Variants in ERI2 observed in about 807,000 individuals in gnomAD.
ERI2 encodes ERI1 exoribonuclease family member 2, also known as ERI1 exoribonuclease 2.
ERI2 carries 35 observed loss-of-function variants against 46.8 expected under a neutral mutation model. The ratio of observed to expected loss-of-function variants is 0.75; its 90% CI spans 0.57 to 0.99. The LOEUF is 0.99. Among genes scored for constraint, ERI2 ranks in the 50% least tolerant of loss-of-function variants. The pLI is 0.00. For synonymous variants in ERI2, 224 were observed against 271.0 expected (o/e 0.83, Z 1.70); for missense variants, 695 against 796.2 (o/e 0.87, Z 1.53).
At chr16:20,805,308 C>A (rs1226779534) in intron 1 of ERI2, among the ~76,000 whole-genome samples, 1 of 151,870 alleles carries the variant, frequency 6.6e-6, no homozygotes, top group African/African-American at 2.4e-5. Context: ...GCCTGTAATC[C>A]CAGCTACTTG....
chr16:20,792,171 A>G, downstream of ERI2: 1 of 1,613,988 alleles, frequency 6.2e-7, no homozygotes, highest in Non-Finnish European at 8.5e-7. Flanking sequence ...GTGTTAACTG[A>G]TCATCAGTGT....
downstream of ERI2, among the ~76,000 whole-genome samples, chr16:20,794,031 G>C (rs2080664849): frequency 6.6e-6 from 1 of 152,186 alleles, no homozygotes; most frequent in African/African-American, 2.4e-5. Flanking sequence ...AGTGTGGCCA[G>C]TTTTCCAACA....
intron 1 of ERI2, chr16:20,805,911 C>G (rs1040032719): frequency 3.1e-6 from 3 of 964,354 alleles, no homozygotes; most frequent in Non-Finnish European, 3.7e-6. Flanking sequence ...GTTCAGTGTA[C>G]TCTCCTGGCA....
In ERI2 at chr16:20,796,384, T is replaced by G; in HGVS notation, c.*1340A>C. 1 of 1,611,202 alleles carries G rather than the reference T, an allele frequency of 6.2e-7. No homozygotes were observed. ...ATTTATTTTAGGTAGTAAAGGCTTTTGTCGTTCTAAATCCTGATTACAAGT... is the reference window on the plus strand; with the variant it reads ...ATTTATTTTAGGTAGTAAAGGCTTTGGTCGTTCTAAATCCTGATTACAAGT... On this transcript the variant is annotated 3_prime_UTR_variant, in exon 9 of 9. Transcript: ENST00000357967.
chr16:20,796,582 T>G lies in ERI2; in HGVS notation c.*1142A>C. 2 of 1,575,722 alleles carry G rather than the reference T, an allele frequency of 1.3e-6. No individual in the cohort carries two copies. The highest frequency in any genetic ancestry group is 2.3e-5 in the South Asian group (2 of 85,394). ...TTTTAATGAATATTTTCTTCACACA[T>G]GCTGCACCACATGTCCCAAACTGAA... On this transcript the variant is annotated 3_prime_UTR_variant, in exon 9 of 9. Transcript: ENST00000357967.
Position 20,802,792 on chromosome 16 carries a change from A to AT in ERI2, c.303+3dup. Reference sequence around the variant, plus strand: ...ACTTCTGAATTTTAAGATTTGCATCATACCTGCTTTATGCCTGTCAATTCC... The same window carrying AT: ...ACTTCTGAATTTTAAGATTTGCATCATTACCTGCTTTATGCCTGTCAATTCC... On this transcript the variant is annotated splice_donor_region_variant and intron_variant, in intron 4 of 8. Transcript: ENST00000357967. 6.3e-7 allele frequency: 1 copy of AT among 1,588,258 alleles called. No homozygotes were observed. The highest frequency in any genetic ancestry group is 1.8e-5 in the Admixed American group (1 of 54,660).
chr16:20,789,637 T>G, intron 9 of ERI2: 1 of 977,650 alleles, frequency 1.0e-6, no homozygotes, highest in Non-Finnish European at 1.6e-6. Context: ...TGCTAAATGA[T>G]AAAAGCAGGT....
downstream of ERI2, among the ~76,000 whole-genome samples, chr16:20,793,337 C>T (rs1438898364): frequency 6.6e-6 from 1 of 152,072 alleles, no homozygotes; most frequent in Non-Finnish European, 1.5e-5. Flanking sequence ...GGCATGGTGG[C>T]ACACGCCTGT....
In ERI2 at chr16:20,800,336, A is replaced by T; in HGVS notation, c.527T>A (p.Leu176Ter). The change falls in exon 6 of 9, where the codon TTA (leucine) becomes TAA (stop). Residue 176 changes from leucine to a stop codon, truncating the protein, a stop_gained. Transcript: ENST00000357967. LOFTEE classifies it high-confidence loss of function. ...KRKQLLKPVF[L>*]NSWIDLRATY... is the part of the protein sequence containing the mutation. Reference sequence around the variant, plus strand: ...TGCTCTGAGATCAATCCAAGAATTTAAAAACACAGGTTTTAACAGCTGCTT... The same window carrying T: ...TGCTCTGAGATCAATCCAAGAATTTTAAAACACAGGTTTTAACAGCTGCTT... 6.2e-7 allele frequency: 1 copy of T among 1,610,290 alleles called. No individual in the cohort carries two copies. The highest frequency in any genetic ancestry group is 1.1e-5 in the South Asian group (1 of 90,378).
rs2080731162 is a variant in ERI2 at position 20,796,744 on chromosome 16, C to G, written c.*980G>C. 2.7e-6 allele frequency: 4 copies of G among 1,505,118 alleles called. No individual in the cohort carries two copies. The South Asian group carries it at 5.3e-5, about 20-fold the overall frequency. 93.2% of individuals were successfully genotyped at this position (1,505,118 alleles called of 1,614,324 possible). Reference sequence around the variant, plus strand: ...CAACTTTCCTAACAATACCCTTTTCCCTATTTTGGCTGTTACCCAAAACCC... The same window carrying G: ...CAACTTTCCTAACAATACCCTTTTCGCTATTTTGGCTGTTACCCAAAACCC... On this transcript the variant is annotated 3_prime_UTR_variant, in exon 9 of 9. Coordinates refer to ENST00000357967, the MANE Select transcript of ERI2 (RefSeq NM_001142725.2).
rs757214392 is a variant in ERI2, at chr16:20,799,027, A to G, written c.773T>C (p.Leu258Ser). ...CATTTCTTCAACTTGAATTGTATTC[A>G]AATTTCTGGCCAGAATGCTGAAATT... ...KKNFSILARN[L>S]NTIQVEEMSA... The change falls in exon 9 of 9, where the codon TTG becomes TCG. Residue 258 changes from leucine (L) to serine (S), a missense_variant. By Grantham distance (145) the Leu-to-Ser change is moderately radical. Transcript: ENST00000357967. The G allele has an allele frequency of 7.9e-6, 12 of 1,524,108 alleles. No individual in the cohort carries two copies. Among genetic ancestry groups the G allele is most frequent in the Non-Finnish European group, 1.1e-5 (12 of 1,138,932 alleles). 94.4% of individuals were successfully genotyped at this position (1,524,108 alleles called of 1,614,324 possible). A position where few individuals can be genotyped will look rare whatever the true frequency, so the allele number is the denominator to read the frequency against.
At chr16:20,793,273 A>G (rs1035030509), downstream of ERI2, among the ~76,000 whole-genome samples, 1 of 152,126 alleles carries the variant, frequency 6.6e-6, no homozygotes, top group Non-Finnish European at 1.5e-5. Flanking sequence ...GTTTGAGACA[A>G]GCCTGGTCAA....
chr16:20,785,923 A>G (rs1482840899), intron 10 of ERI2, among the ~76,000 whole-genome samples: 3 of 152,226 alleles, frequency 2.0e-5, no homozygotes, highest in Non-Finnish European at 4.4e-5. Context: ...GCATGTATTT[A>G]TATGTTATCA....
downstream of ERI2, chr16:20,792,029 C>G: frequency 6.2e-7 from 1 of 1,614,042 alleles, no homozygotes. Flanking sequence ...AGCTTCAACT[C>G]TACGAGGCAA....
At chr16:20,785,226 G>A in intron 10 of ERI2, 1 of 1,386,918 alleles carries the variant, frequency 7.2e-7, no homozygotes, top group Non-Finnish European at 9.8e-7. Context: ...GTTAGAAAAT[G>A]TTTAAAAAAA....
chr16:20,799,217 T>C, intron 8 of ERI2, 46 bp downstream of exon 8: 1 of 1,602,402 alleles, frequency 6.2e-7, no homozygotes, highest in Non-Finnish European at 8.5e-7. Context: ...GTATGACTGT[T>C]TATGAAGTTT....
At chr16:20,796,283 T>C, downstream of ERI2, 1 of 1,545,218 alleles carries the variant, frequency 6.5e-7, no homozygotes, top group East Asian at 2.3e-5. Flanking sequence ...CCACCAGGCA[T>C]GTAGATTCTC....
intron 10 of ERI2, among the ~76,000 whole-genome samples, chr16:20,782,776 TCA>T (rs907661228): frequency 3.3e-5 from 5 of 152,332 alleles, no homozygotes; most frequent in Admixed American, 6.5e-5. Context: ...CTATGATGGC[TCA>T]CAGAGTGCAA....
Position 20,798,439 on chromosome 16 carries a change from C to T in ERI2, c.1361G>A (p.Ser454Asn). 1 of 1,550,846 alleles carries T rather than the reference C, an allele frequency of 6.4e-7. No individual in the cohort carries two copies. Among genetic ancestry groups the T allele is most frequent in the South Asian group, 1.2e-5 (1 of 83,828 alleles). Residue 454 changes from serine (S) to asparagine (N), a missense_variant, in exon 9 of 9, where the codon AGT becomes AAT. Physicochemically the swap from Ser to Asn is conservative, Grantham distance 46. Transcript: ENST00000357967. The part of the protein sequence containing the change: ...LMVLKELEMS[S>N]HENFGDIEET... ...CTCTATGTCTCCAAAGTTTTCATGA[C>T]TTGACATTTCCAATTCTTTCAAAAC...
Sources: gnomAD v4.1 joint callset for allele counts (sites outside exome capture counted in the v4.1 genomes callset) on GRCh38, gnomAD v4.1.1 for gene constraint, MANE v1.5 for transcripts, NCBI Gene and HGNC (gene_info 2026-07-23, HGNC 2026-07-21) for gene names.